PDE10A: variants seen among roughly 807,000 people sequenced by gnomAD.
PDE10A encodes cAMP and cAMP-inhibited cGMP 3',5'-cyclic phosphodiesterase 10A.
In PDE10A, 39 loss-of-function variants were observed where a neutral mutation model predicts 97.7. The observed-to-expected ratio is 0.40, with a 90% CI of 0.31 to 0.52. PDE10A has a LOEUF of 0.52. Among genes scored for constraint, PDE10A ranks in the 20% least tolerant of loss-of-function variants. The pLI, the probability that PDE10A is intolerant of heterozygous loss-of-function variation, is 0.56. For missense variants in PDE10A, 731 were observed against 1,047.8 expected (o/e 0.70, Z 4.17); for synonymous variants, 371 against 376.8 (o/e 0.98, Z 0.18).
At chr6:165,535,221 G>A (rs1783008042) in intron 2 of PDE10A, among the ~76,000 whole-genome samples, 2 of 150,922 alleles carry the variant, frequency 1.3e-5, no homozygotes, top group Admixed American at 6.6e-5. Context: ...CCGGGAATCT[G>A]CCTTTTAAAA....
At chr6:165,598,670 C>T (rs1786748544) in intron 1 of PDE10A, among the ~76,000 whole-genome samples, 1 of 152,130 alleles carries the variant, frequency 6.6e-6, no homozygotes, top group Non-Finnish European at 1.5e-5. Context: ...CCATCTGGAA[C>T]ACGGCAATTA....
In PDE10A at chr6:165,641,178, C is replaced by T. The variant is rs146760552; in HGVS notation, c.865+20769G>A. Among the ~76,000 whole-genome samples the T allele has an allele frequency of 9.5e-3, 1,441 of 151,884 alleles. 7 individuals are homozygous for T. Among genetic ancestry groups the T allele is most frequent in the Middle Eastern group, 0.027 (8 of 294 alleles). On this transcript the variant is annotated intron_variant, in intron 1 of 21. Transcript: ENST00000539869. Reference sequence around the variant, plus strand: ...GTGGGGGCCAGTAAGGGGTGACTGACGCCCAGAGGTCAACAAAGAAAAAAA... The same window carrying T: ...GTGGGGGCCAGTAAGGGGTGACTGATGCCCAGAGGTCAACAAAGAAAAAAA...
chr6:165,603,791 T>C (rs1315112109), intron 1 of PDE10A, among the ~76,000 whole-genome samples: 2 of 152,230 alleles, frequency 1.3e-5, no homozygotes, highest in Non-Finnish European at 2.9e-5. Flanking sequence ...AAGTTGGTAT[T>C]TTTTACAACA....
At chr6:165,821,159 C>T (rs963243764) in intron 1 of PDE10A, among the ~76,000 whole-genome samples, 3 of 152,198 alleles carry the variant, frequency 2.0e-5, no homozygotes, top group African/African-American at 4.8e-5. Context: ...GGACATGGAG[C>T]AGCAGCCACT....
intron 2 of PDE10A, among the ~76,000 whole-genome samples, chr6:165,485,051 T>C (rs1246261604): frequency 6.6e-6 from 1 of 152,212 alleles, no homozygotes; most frequent in Non-Finnish European, 1.5e-5. Context: ...ACTTAAATTA[T>C]GGGTTCATTG....
At chr6:165,893,911 C>T (rs1352914689) in intron 1 of PDE10A, among the ~76,000 whole-genome samples, 1 of 149,888 alleles carries the variant, frequency 6.7e-6, no homozygotes, top group African/African-American at 2.5e-5. Context: ...ACACATGGTG[C>T]TTAGTTGACC....
chr6:165,511,437 T>G (rs1219407865), intron 2 of PDE10A, among the ~76,000 whole-genome samples: 1 of 19,098 alleles, frequency 5.2e-5, no homozygotes, highest in Non-Finnish European at 2.7e-4. Flanking sequence ...TGGCCTAACA[T>G]GTGGTATATC....
intron 1 of PDE10A, among the ~76,000 whole-genome samples, chr6:165,808,653 T>C (rs1779201944): frequency 6.6e-6 from 1 of 152,238 alleles, no homozygotes; most frequent in Non-Finnish European, 1.5e-5. Flanking sequence ...CATTTTTTGG[T>C]ACTTGCTATT....
intron 1 of PDE10A, among the ~76,000 whole-genome samples, chr6:165,644,528 G>A (rs985940012): frequency 6.6e-6 from 1 of 152,192 alleles, no homozygotes; most frequent in Non-Finnish European, 1.5e-5. Context: ...AGGAATTGTG[G>A]AAGTACCTGT....
intron 3 of PDE10A, among the ~76,000 whole-genome samples, chr6:165,468,155 T>C (rs1778768628): frequency 6.6e-6 from 1 of 152,234 alleles, no homozygotes; most frequent in South Asian, 2.1e-4. Flanking sequence ...CTCGGCTCAC[T>C]GCAACCTCTG....
chr6:165,392,865 G>A (rs1442888881), intron 15 of PDE10A, 69 bp from the exon 16 acceptor site: 8 of 1,390,830 alleles, frequency 5.8e-6, no homozygotes, highest in South Asian at 2.3e-5. Context: ...GAACTCCCTA[G>A]TTTAGGTACA....
intron 19 of PDE10A, among the ~76,000 whole-genome samples, chr6:165,341,943 C>T (rs1029001828): frequency 2.6e-5 from 4 of 152,078 alleles, no homozygotes; most frequent in Non-Finnish European, 4.4e-5. Flanking sequence ...TTGAGCTCAC[C>T]GTAACAGCAA....
chr6:165,892,273 G>A (rs870910), intron 1 of PDE10A, among the ~76,000 whole-genome samples: 1,816 of 152,240 alleles, frequency 0.012, 24 homozygotes, highest in Non-Finnish European at 0.019. Flanking sequence ...GACACAGGAG[G>A]AGGTCATGGA....
At chr6:165,702,168 C>T (rs773092637) in intron 1 of PDE10A, among the ~76,000 whole-genome samples, 24 of 152,320 alleles carry the variant, frequency 1.6e-4, no homozygotes, top group South Asian at 2.1e-4. Context: ...TGCCCTGGGA[C>T]GGCAGAGGGT....
intron 2 of PDE10A, among the ~76,000 whole-genome samples, chr6:165,489,846 C>G (rs1370963786): frequency 6.6e-6 from 1 of 152,038 alleles, no homozygotes; most frequent in African/African-American, 2.4e-5. Context: ...TAGAAGAACT[C>G]CAGAGCTCAA....
chr6:165,724,029 G>T (rs1562704808), intron 1 of PDE10A, among the ~76,000 whole-genome samples: 1 of 152,134 alleles, frequency 6.6e-6, no homozygotes, highest in African/African-American at 2.4e-5. Context: ...CAGGCTTCCA[G>T]TTAGTAGCAT....
chr6:165,960,243 T>G (rs1419954347), intron 1 of PDE10A, among the ~76,000 whole-genome samples: 1 of 152,004 alleles, frequency 6.6e-6, no homozygotes, highest in Non-Finnish European at 1.5e-5. Flanking sequence ...GAAGGCTGAG[T>G]AGCATACAAA....
chr6:165,599,386 T>C (rs1013504986), intron 1 of PDE10A, among the ~76,000 whole-genome samples: 1 of 152,170 alleles, frequency 6.6e-6, no homozygotes, highest in African/African-American at 2.4e-5. Context: ...AGAGTGCCCG[T>C]ATAGTTTTCT....
At chr6:165,653,144 T>G (rs1488770218) in intron 1 of PDE10A, among the ~76,000 whole-genome samples, 1 of 152,242 alleles carries the variant, frequency 6.6e-6, no homozygotes, top group Non-Finnish European at 1.5e-5. Flanking sequence ...TTTCTTTCCC[T>G]TTAGGAAAAT....
Sources: gnomAD v4.1 joint callset for allele counts (sites outside exome capture counted in the v4.1 genomes callset) on GRCh38, gnomAD v4.1.1 for gene constraint, MANE v1.5 for transcripts, NCBI Gene and HGNC (gene_info 2026-07-23, HGNC 2026-07-21) for gene names.